Variants in FBXO11 observed in about 807,000 individuals in gnomAD.
The protein encoded by FBXO11 is F-box protein 11, also known as F-box only protein 11.
FBXO11 carries 13 observed loss-of-function variants against 117.0 expected under a neutral mutation model. The ratio of observed to expected loss-of-function variants is 0.11; its 90% CI spans 0.07 to 0.18. The LOEUF is 0.18. FBXO11 is among the 10% of genes least tolerant of loss of function. The probability of loss-of-function intolerance (pLI) is 1.00; values close to 1 mark genes in which losing one functional copy is unlikely to be tolerated. For missense variants in FBXO11, 767 were observed against 1,164.4 expected (o/e 0.66, Z 4.97); for synonymous variants, 490 against 380.5 (o/e 1.29, Z -3.35).
At chr2:47,864,428 A>C (rs1675039356) in intron 1 of FBXO11, among the ~76,000 whole-genome samples, 1 of 152,118 alleles carries the variant, frequency 6.6e-6, no homozygotes. Context: ...TCTCTACTAA[A>C]AATACAAAAT....
intron 16 of FBXO11, among the ~76,000 whole-genome samples, chr2:47,816,296 C>A (rs1214379383): frequency 2.6e-5 from 4 of 152,216 alleles, no homozygotes; most frequent in Non-Finnish European, 5.9e-5. Context: ...CCTCCCACCT[C>A]AGCCTTCCGG....
chr2:47,905,813 G>A lies in FBXO11; in HGVS notation c.-93C>T. ...CAGGAGAAAGGGGTGGGGAGAGTGG[G>A]AGAGGGGGGAGGAAGGAGAGGGGGC... On this transcript the variant is annotated 5_prime_UTR_variant, in exon 1 of 23. Transcript: ENST00000403359. The A allele has an allele frequency of 2.6e-6, 2 of 776,026 alleles. No individual in the cohort carries two copies. Among genetic ancestry groups the A allele is most frequent in the South Asian group, 1.6e-5 (1 of 63,256 alleles). 48.1% of individuals were successfully genotyped at this position (776,026 alleles called of 1,614,324 possible).
intron 4 of FBXO11, among the ~76,000 whole-genome samples, chr2:47,837,588 A>G (rs934173452): frequency 1.1e-4 from 16 of 152,248 alleles, no homozygotes; most frequent in African/African-American, 3.6e-4. Context: ...AAAGTAATAC[A>G]TATAACCGTT....
At chr2:47,843,801 C>T (rs1047050992) in intron 1 of FBXO11, among the ~76,000 whole-genome samples, 4 of 152,068 alleles carry the variant, frequency 2.6e-5, no homozygotes, top group Non-Finnish European at 4.4e-5. Flanking sequence ...AGTGCAATGG[C>T]GTGATCTCGG....
intron 1 of FBXO11, among the ~76,000 whole-genome samples, chr2:47,854,457 TAGAA>T (rs1470384189): frequency 1.3e-5 from 2 of 151,998 alleles, no homozygotes; most frequent in Non-Finnish European, 2.9e-5. Flanking sequence ...TATGGAGTAT[TAGAA>T]AGAAAACTAT....
rs1558486035 is a variant in FBXO11, at chr2:47,900,579, C to T, written c.232+4910G>A. On this transcript the variant is annotated intron_variant, in intron 1 of 22. Transcript: ENST00000403359. Reference sequence around the variant, plus strand: ...ACACGTATATATACACACGTATACACACATATATACGTATATACACACGTA... The same window carrying T: ...ACACGTATATATACACACGTATACATACATATATACGTATATACACACGTA... 4.5e-4 allele frequency among the ~76,000 whole-genome samples: 63 copies of T among 138,738 alleles called. 2 individuals carry two copies. Among genetic ancestry groups the T allele is most frequent in the Non-Finnish European group, 6.3e-4 (39 of 62,008 alleles). 91.0% of individuals were successfully genotyped at this position (138,738 alleles called of 152,430 possible).
chr2:47,822,917 T>C (rs1671492804), intron 12 of FBXO11, among the ~76,000 whole-genome samples: 1 of 152,198 alleles, frequency 6.6e-6, no homozygotes, highest in South Asian at 2.1e-4. Flanking sequence ...TTTTTCATAA[T>C]ATCACATATG....
Position 47,807,038 on chromosome 2 carries a change from T to C in FBXO11, c.*1080A>G. ...ATAATGGTTATTGAATACTCCACAA[T>C]ATATTAAGTCTAGATGTTATGGTAC... On this transcript the variant is annotated 3_prime_UTR_variant, in exon 23 of 23. Transcript: ENST00000403359. The C allele has an allele frequency of 3.2e-6, 2 of 621,862 alleles. No homozygotes were observed. The highest frequency in any genetic ancestry group is 5.6e-6 in the Non-Finnish European group (2 of 353,992). 38.5% of individuals were successfully genotyped at this position (621,862 alleles called of 1,614,324 possible).
chr2:47,881,491 T>G (rs567611597), intron 1 of FBXO11, among the ~76,000 whole-genome samples: 4 of 152,318 alleles, frequency 2.6e-5, no homozygotes, highest in Admixed American at 1.3e-4. Context: ...ACGCCTCCTC[T>G]CCCATTACCC....
Position 47,886,718 on chromosome 2 carries a change from A to C in FBXO11, c.232+18771T>G, listed in dbSNP as rs75247408. ...ATCCTCTATTTATACTGATACAGAA[A>C]AATGCCCAGGATATCTTTAAGCAAA... On this transcript the variant is annotated intron_variant, in intron 1 of 22. Transcript: ENST00000403359. Among the ~76,000 whole-genome samples, 956 of 152,286 alleles carry C rather than the reference A, an allele frequency of 6.3e-3. 8 individuals are homozygous for C. The highest frequency in any genetic ancestry group is 9.2e-3 in the Non-Finnish European group (628 of 68,020).
intron 1 of FBXO11, among the ~76,000 whole-genome samples, chr2:47,851,681 G>C (rs1227628870): frequency 6.6e-6 from 1 of 152,130 alleles, no homozygotes; most frequent in Non-Finnish European, 1.5e-5. Flanking sequence ...TATAAAACAG[G>C]ACACACAAAT....
chr2:47,873,612 T>G (rs1675784703), intron 1 of FBXO11, among the ~76,000 whole-genome samples: 6 of 152,214 alleles, frequency 3.9e-5, no homozygotes, highest in Admixed American at 3.9e-4. Context: ...TTGGGGTTCT[T>G]TGGCATGATT....
At chr2:47,902,601 A>T (rs538094787) in intron 1 of FBXO11, among the ~76,000 whole-genome samples, 3 of 152,164 alleles carry the variant, frequency 2.0e-5, no homozygotes, top group Non-Finnish European at 4.4e-5. Context: ...ACACGTGTGT[A>T]TGTAAATATA....
chr2:47,863,066 AAAAAAC>A (rs1228756653), intron 1 of FBXO11, among the ~76,000 whole-genome samples: 3 of 131,098 alleles, frequency 2.3e-5, no homozygotes, highest in Non-Finnish European at 3.7e-5. Flanking sequence ...AAAAAAAAAA[AAAAAAC>A]AAAAAAACAA....
At chr2:47,836,086 G>T in intron 4 of FBXO11, 85 bp from the exon 5 acceptor site, 2 of 981,960 alleles carry the variant, frequency 2.0e-6, no homozygotes, top group Admixed American at 2.9e-5. Context: ...AATTATTTGA[G>T]GCCTCAAAAA....
intron 1 of FBXO11, among the ~76,000 whole-genome samples, chr2:47,902,602 T>C (rs1288743271): frequency 1.3e-5 from 2 of 152,264 alleles, no homozygotes; most frequent in Admixed American, 6.5e-5. Flanking sequence ...CACGTGTGTA[T>C]GTAAATATAT....
intron 1 of FBXO11, among the ~76,000 whole-genome samples, chr2:47,896,206 G>C (rs1677651822): frequency 6.6e-6 from 1 of 152,020 alleles, no homozygotes; most frequent in Non-Finnish European, 1.5e-5. Flanking sequence ...ATCAGGAAAA[G>C]AAATAAACAC....
chr2:47,869,775 G>A (rs1369533086), intron 1 of FBXO11, among the ~76,000 whole-genome samples: 16 of 152,332 alleles, frequency 1.1e-4, no homozygotes, highest in Non-Finnish European at 4.4e-5. Flanking sequence ...TTTGGGGCAA[G>A]GGTTAGTACA....
intron 1 of FBXO11, among the ~76,000 whole-genome samples, chr2:47,863,954 C>T (rs113849138): frequency 0.072 from 10,770 of 150,166 alleles, 547 homozygotes; most frequent in Non-Finnish European, 0.11. Flanking sequence ...AAAAAAAAAA[C>T]CAAAACCCCA....
Sources: allele counts gnomAD v4.1 joint callset (sites outside exome capture counted in the v4.1 genomes callset), GRCh38; gene constraint gnomAD v4.1.1; transcripts MANE v1.5; gene names NCBI Gene and HGNC (gene_info 2026-07-23, HGNC 2026-07-21).